TBCD: variants seen among roughly 807,000 people sequenced by gnomAD.
TBCD encodes tubulin folding cofactor D, also known as tubulin-specific chaperone D.
In TBCD, 105 loss-of-function variants were observed where a neutral mutation model predicts 169.3. The observed-to-expected ratio is 0.62, with a 90% CI of 0.53 to 0.73. The LOEUF is 0.73. Ranked by LOEUF, TBCD falls within the 30% of genes least tolerant of loss-of-function variation. TBCD has a pLI of 0.00. For synonymous variants in TBCD, 700 were observed against 643.9 expected (o/e 1.09, Z -1.32); for missense variants, 1,444 against 1,600.1 (o/e 0.90, Z 1.66).
At chr17:82,815,409 G>A (rs1433088100) in intron 13 of TBCD, among the ~76,000 whole-genome samples, 1 of 152,212 alleles carries the variant, frequency 6.6e-6, no homozygotes. Context: ...CACCTGGAGT[G>A]ACGTGGTGCT....
rs368246905 is a variant in TBCD, at chr17:82,942,374, G to C, written c.3565-75G>C. The C allele has an allele frequency of 6.0e-3, 9,557 of 1,603,600 alleles. 45 individuals are homozygous for C. The highest frequency in any genetic ancestry group is 7.3e-3 in the Non-Finnish European group (8,600 of 1,171,014). ...TGTCAGTCCCCACACAGGGCCCAGA[G>C]GGGTGAGGGTCCCCTGGCTGGGAAT... On this transcript the variant is annotated intron_variant, in intron 38 of 38. Coordinates refer to ENST00000355528, the MANE Select transcript of TBCD (RefSeq NM_005993.5).
In TBCD at chr17:82,944,479, A is replaced by G. The variant is rs753724227; in HGVS notation, c.*2016A>G. Reference sequence around the variant, plus strand: ...ATCAAGGCAGGCAACACTGAGTGCTATGAACAAAGATAAAGTGGGCAATGG... The same window carrying G: ...ATCAAGGCAGGCAACACTGAGTGCTGTGAACAAAGATAAAGTGGGCAATGG... On this transcript the variant is annotated 3_prime_UTR_variant, in exon 39 of 39. Transcript: ENST00000355528. The G allele has an allele frequency of 1.3e-5, 2 of 152,272 alleles. No individual in the cohort carries two copies. The highest frequency in any genetic ancestry group is 2.4e-5 in the African/African-American group (1 of 41,474). 9.4% of individuals were successfully genotyped at this position (152,272 alleles called of 1,614,324 possible).
Position 82,923,877 on chromosome 17 carries a change from A to G in TBCD, c.2260+144A>G. On this transcript the variant is annotated intron_variant, in intron 26 of 38. Transcript: ENST00000355528. The surrounding 1 kb of genome is among the most constrained non-coding windows in gnomAD (Gnocchi z 4.6). Reference sequence around the variant, plus strand: ...GCTGGAGTGGGACTGTTCGGGTCTCAGGTTCCCAGCCGAGGAGCTGTGGGC... The same window carrying G: ...GCTGGAGTGGGACTGTTCGGGTCTCGGGTTCCCAGCCGAGGAGCTGTGGGC... 8.9e-6 allele frequency: 6 copies of G among 673,982 alleles called. No homozygotes were observed. In the South Asian group the frequency reaches 1.0e-4, roughly 12 times the overall value. The allele number at this position is 673,982 out of a possible 1,614,324, so 41.8% of individuals were successfully genotyped here.
intron 35 of TBCD, chr17:82,937,804 C>T (rs1431008988): frequency 3.5e-6 from 5 of 1,408,786 alleles, no homozygotes; most frequent in East Asian, 5.0e-5. Context: ...GGGCGAGCGG[C>T]CCTGCAGGAG....
At chr17:82,934,762 G>A (rs1391374896) in intron 34 of TBCD, among the ~76,000 whole-genome samples, 4 of 151,744 alleles carry the variant, frequency 2.6e-5, no homozygotes, top group Middle Eastern at 3.2e-3. Context: ...GTGAGCCACC[G>A]TACCTGGCCT....
At position 82,812,795 on chromosome 17, in the gene TBCD, C is replaced by T. The variant is rs556658700; in HGVS notation, c.1224-2045C>T. Among the ~76,000 whole-genome samples, 129 of 152,316 alleles carry T rather than the reference C, an allele frequency of 8.5e-4. No homozygotes were observed. In the South Asian group the frequency reaches 0.025, roughly 30 times the overall value. On this transcript the variant is annotated intron_variant, in intron 12 of 38. Coordinates refer to ENST00000355528, the MANE Select transcript of TBCD (RefSeq NM_005993.5). Reference sequence around the variant, plus strand: ...TGACCTTGTGATCAGCCCGCCTCGGCCTCCCGGAGTGCTGGGATGACAGGC... The same window carrying T: ...TGACCTTGTGATCAGCCCGCCTCGGTCTCCCGGAGTGCTGGGATGACAGGC...
At chr17:82,774,742 T>G (rs1598431637) in intron 6 of TBCD, among the ~76,000 whole-genome samples, 1 of 151,662 alleles carries the variant, frequency 6.6e-6, no homozygotes, top group South Asian at 2.1e-4. Flanking sequence ...GCCCTCCCAA[T>G]TTGGTATTAA....
intron 9 of TBCD, among the ~76,000 whole-genome samples, chr17:82,805,365 C>G (rs958959306): frequency 2.6e-5 from 4 of 152,170 alleles, no homozygotes; most frequent in African/African-American, 9.7e-5. Flanking sequence ...AATGCAGGTT[C>G]CCCATGTGGG....
chr17:82,755,222 T>C (rs759257156), intron 1 of TBCD, among the ~76,000 whole-genome samples: 2 of 152,186 alleles, frequency 1.3e-5, no homozygotes, highest in Non-Finnish European at 2.9e-5. Context: ...TTAAGATAAA[T>C]TGTGGAGACC....
At chr17:82,794,727 G>C (rs1027177170) in intron 7 of TBCD, among the ~76,000 whole-genome samples, 1 of 152,216 alleles carries the variant, frequency 6.6e-6, no homozygotes, top group Non-Finnish European at 1.5e-5. Flanking sequence ...ACAAAGCCCT[G>C]TCTTCATTGA....
chr17:82,939,921 C>T (rs570153707), intron 37 of TBCD, among the ~76,000 whole-genome samples: 2 of 152,372 alleles, frequency 1.3e-5, no homozygotes, highest in African/African-American at 4.8e-5. Flanking sequence ...TGTCCACCCC[C>T]TTCCTCAGGG....
intron 13 of TBCD, among the ~76,000 whole-genome samples, chr17:82,863,101 C>CT (rs2056901726): frequency 6.6e-6 from 1 of 152,174 alleles, no homozygotes; most frequent in African/African-American, 2.4e-5. Flanking sequence ...ATCGTAATTT[C>CT]TTTGTGTTGC....
At chr17:82,816,554 G>T (rs1300503855) in intron 13 of TBCD, among the ~76,000 whole-genome samples, 1 of 150,122 alleles carries the variant, frequency 6.7e-6, no homozygotes, top group Non-Finnish European at 1.5e-5. Flanking sequence ...TTTTTTTTTG[G>T]ACGCGGTTTC....
At position 82,812,390 on chromosome 17, in the gene TBCD, C is replaced by T. The variant is rs116062820; in HGVS notation, c.1224-2450C>T. ...TTTCTGTTGAGCTTTACGGTTTCAT[C>T]GAGGTTTTGGACTGGGTGATGTGTT... On this transcript the variant is annotated intron_variant, in intron 12 of 38. Transcript: ENST00000355528. 6.7e-3 allele frequency among the ~76,000 whole-genome samples: 1,020 copies of T among 152,178 alleles called. 11 individuals carry two copies. Among genetic ancestry groups the T allele is most frequent in the African/African-American group, 0.023 (959 of 41,514 alleles).
intron 7 of TBCD, among the ~76,000 whole-genome samples, chr17:82,794,792 G>A (rs1429005162): frequency 6.6e-6 from 1 of 152,222 alleles, no homozygotes; most frequent in Non-Finnish European, 1.5e-5. Flanking sequence ...CTGGGAAAGT[G>A]GATAACTTTT....
At chr17:82,758,758 C>G (rs2047590514) in intron 2 of TBCD, among the ~76,000 whole-genome samples, 1 of 140,994 alleles carries the variant, frequency 7.1e-6, no homozygotes, top group African/African-American at 2.7e-5. Flanking sequence ...CTCCAGGGTT[C>G]AAGCGATTCT....
intron 14 of TBCD, among the ~76,000 whole-genome samples, chr17:82,872,724 C>T (rs2057673886): frequency 6.6e-6 from 1 of 152,276 alleles, no homozygotes; most frequent in African/African-American, 2.4e-5. Context: ...ATTCAGTTTC[C>T]TTAGCAACCC....
intron 28 of TBCD, among the ~76,000 whole-genome samples, chr17:82,926,699 G>A (rs2061790806): frequency 1.3e-5 from 2 of 152,206 alleles, no homozygotes; most frequent in African/African-American, 4.8e-5. Context: ...CTTCTTTAGG[G>A]ACACTGGGCC....
chr17:82,856,820 G>T (rs2056336377), intron 13 of TBCD, among the ~76,000 whole-genome samples: 2 of 134,590 alleles, frequency 1.5e-5, no homozygotes, highest in African/African-American at 2.9e-5. Flanking sequence ...GGGATCGCTG[G>T]ACCGCGTGCG....
Sources: gnomAD v4.1 joint callset for allele counts (sites outside exome capture counted in the v4.1 genomes callset) on GRCh38, gnomAD v4.1.1 for gene constraint, Gnocchi (gnomAD v3.1) non-coding constraint, MANE v1.5 for transcripts, NCBI Gene and HGNC (gene_info 2026-07-23, HGNC 2026-07-21) for gene names.